The following CLSTN2 variants were observed in gnomAD, a reference collection of about 807,000 sequenced individuals.
The protein encoded by CLSTN2 is calsyntenin 2.
A neutral mutation model predicts 101.2 loss-of-function variants in CLSTN2; 48 were observed. The observed-to-expected ratio is 0.47, with a 90% CI of 0.38 to 0.60. The LOEUF (loss-of-function observed/expected upper bound fraction) is 0.60, where lower values mean the gene tolerates loss of function less well. Among genes scored for constraint, CLSTN2 ranks in the 20% least tolerant of loss-of-function variants. The pLI is 0.00. For synonymous variants in CLSTN2, 481 were observed against 463.6 expected (o/e 1.04, Z -0.48); for missense variants, 1,160 against 1,238.2 (o/e 0.94, Z 0.95).
At chr3:140,202,954 C>T (rs913098046) in intron 2 of CLSTN2, among the ~76,000 whole-genome samples, 1 of 152,162 alleles carries the variant, frequency 6.6e-6, no homozygotes, top group Non-Finnish European at 1.5e-5. Flanking sequence ...TCTATGCCCC[C>T]TCCTGGTCTA....
At chr3:140,037,175 C>T (rs945899930) in intron 1 of CLSTN2, among the ~76,000 whole-genome samples, 3 of 152,032 alleles carry the variant, frequency 2.0e-5, no homozygotes, top group African/African-American at 7.2e-5. Flanking sequence ...ACTTTTGAGC[C>T]CGGAAACTTT....
intron 1 of CLSTN2, among the ~76,000 whole-genome samples, chr3:140,050,500 AAT>A (rs1461181409): frequency 6.6e-6 from 1 of 152,190 alleles, no homozygotes; most frequent in Non-Finnish European, 1.5e-5. Context: ...GTGGAAAGAG[AAT>A]TACCAGGAGC....
chr3:140,467,695 C>T (rs1933741039), intron 8 of CLSTN2, among the ~76,000 whole-genome samples: 1 of 152,156 alleles, frequency 6.6e-6, no homozygotes, highest in Non-Finnish European at 1.5e-5. Flanking sequence ...ACACTACCTG[C>T]CTCACCTTGC....
intron 2 of CLSTN2, among the ~76,000 whole-genome samples, chr3:140,251,594 T>TTTCCTTTCCTTTCCTTTCCTTTCCTTTCC (rs1285784430): frequency 6.9e-6 from 1 of 145,530 alleles, no homozygotes; most frequent in Non-Finnish European, 1.5e-5. Flanking sequence ...GTTCCTTTCC[T>TTTCCTTTCCTTTCCTTTCCTTTCCTTTCC]TTCCTTTCCT....
intron 1 of CLSTN2, among the ~76,000 whole-genome samples, chr3:140,104,915 T>C (rs934482105): frequency 3.2e-4 from 48 of 152,142 alleles, no homozygotes; most frequent in Admixed American, 3.1e-3. Context: ...GAGGCGGAGG[T>C]TGCAGTGAGC....
At chr3:140,066,641 G>T in intron 1 of CLSTN2, among the ~76,000 whole-genome samples, 1 of 152,186 alleles carries the variant, frequency 6.6e-6, no homozygotes, top group African/African-American at 2.4e-5. Context: ...CCATTTTACT[G>T]TTCTGCTACC....
intron 2 of CLSTN2, among the ~76,000 whole-genome samples, chr3:140,267,689 G>C (rs1373872105): frequency 1.3e-5 from 2 of 152,176 alleles, no homozygotes; most frequent in Non-Finnish European, 2.9e-5. Context: ...CCAGGAGACA[G>C]GGAATCTTTG....
At chr3:140,369,087 G>A (rs1347525705) in intron 2 of CLSTN2, among the ~76,000 whole-genome samples, 1 of 152,006 alleles carries the variant, frequency 6.6e-6, no homozygotes, top group African/African-American at 2.4e-5. Context: ...GCTTTTTCTG[G>A]GTCACAGTGC....
chr3:140,147,032 T>C (rs2009790737), intron 1 of CLSTN2, among the ~76,000 whole-genome samples: 1 of 152,270 alleles, frequency 6.6e-6, no homozygotes, highest in Non-Finnish European at 1.5e-5. Flanking sequence ...AAATTAATGA[T>C]TGAATGAGTG....
intron 2 of CLSTN2, among the ~76,000 whole-genome samples, chr3:140,259,381 G>A (rs902938564): frequency 1.2e-4 from 19 of 152,030 alleles, no homozygotes; most frequent in African/African-American, 3.9e-4. Flanking sequence ...GGCTAAGGCA[G>A]GAGAATCACT....
intron 1 of CLSTN2, among the ~76,000 whole-genome samples, chr3:140,151,996 T>C (rs1319532353): frequency 6.6e-6 from 1 of 152,198 alleles, no homozygotes; most frequent in African/African-American, 2.4e-5. Context: ...ACTCAGATTA[T>C]AATTTAAGAC....
At chr3:140,446,857 T>A (rs1195442452) in intron 5 of CLSTN2, among the ~76,000 whole-genome samples, 1 of 152,238 alleles carries the variant, frequency 6.6e-6, no homozygotes, top group Non-Finnish European at 1.5e-5. Flanking sequence ...TCATAGCACT[T>A]ACTCCTTTCT....
chr3:139,996,835 G>A (rs2107745540), intron 1 of CLSTN2, among the ~76,000 whole-genome samples: 1 of 152,106 alleles, frequency 6.6e-6, no homozygotes, highest in Non-Finnish European at 1.5e-5. Context: ...ATCACCTGAG[G>A]TCAGGAGTTC....
chr3:140,511,357 G>T (rs1461035485), intron 8 of CLSTN2, among the ~76,000 whole-genome samples: 1 of 151,998 alleles, frequency 6.6e-6, no homozygotes, highest in Non-Finnish European at 1.5e-5. Flanking sequence ...ATAATAAAAT[G>T]ATTAATATTC....
intron 1 of CLSTN2, among the ~76,000 whole-genome samples, chr3:140,106,324 GA>G (rs2009057945): frequency 6.6e-6 from 1 of 152,164 alleles, no homozygotes; most frequent in African/African-American, 2.4e-5. Context: ...AATTCTCCCA[GA>G]ATAGACAGAT....
In CLSTN2 at chr3:139,992,504, C is replaced by T. The variant is rs546821282; in HGVS notation, c.109+57021C>T. ...GAGTCAAAGCTCTCCTGCAGCAGTG[C>T]CAGCCTCTAGTGCTATTTTTCCTGT... is the stretch of plus-strand genomic sequence containing the variant. On this transcript the variant is annotated intron_variant, in intron 1 of 16. Transcript: ENST00000458420. Among the ~76,000 whole-genome samples, 4 of 152,298 alleles carry T rather than the reference C, an allele frequency of 2.6e-5. No individual in the cohort carries two copies. In the South Asian group the frequency reaches 8.3e-4, roughly 32 times the overall value.
At chr3:140,178,300 A>C (rs1301316853) in intron 2 of CLSTN2, among the ~76,000 whole-genome samples, 1 of 152,308 alleles carries the variant, frequency 6.6e-6, no homozygotes, top group East Asian at 1.9e-4. Flanking sequence ...AGGTTATTTA[A>C]GTTTGTTGGT....
chr3:140,017,197 G>A (rs11721080), intron 1 of CLSTN2, among the ~76,000 whole-genome samples: 27,378 of 152,118 alleles, frequency 0.18, 2,731 homozygotes, highest in Admixed American at 0.32. Flanking sequence ...TGACATATGT[G>A]CTGGCTTGAC....
chr3:140,512,083 A>G, intron 8 of CLSTN2, among the ~76,000 whole-genome samples: 1 of 151,690 alleles, frequency 6.6e-6, no homozygotes, highest in East Asian at 1.9e-4. Context: ...CCCATTCTGT[A>G]GGTTTTCTGT....
Sources: allele counts gnomAD v4.1 joint callset (sites outside exome capture counted in the v4.1 genomes callset), GRCh38; gene constraint gnomAD v4.1.1; transcripts MANE v1.5; gene names NCBI Gene and HGNC (gene_info 2026-07-23, HGNC 2026-07-21).